The following PRKCE variants were observed in gnomAD, a reference collection of about 807,000 sequenced individuals.
PRKCE encodes the protein protein kinase C epsilon, also known as protein kinase C epsilon type.
PRKCE carries 16 observed loss-of-function variants against 85.4 expected under a neutral mutation model. The observed-to-expected ratio is 0.19, with a 90% CI of 0.13 to 0.28. The LOEUF (loss-of-function observed/expected upper bound fraction) is 0.28, where lower values mean the gene tolerates loss of function less well. Ranked by LOEUF, PRKCE falls within the 10% of genes least tolerant of loss-of-function variation. The pLI is 1.00. For synonymous variants in PRKCE, 388 were observed against 371.5 expected (o/e 1.04, Z -0.51); for missense variants, 573 against 975.2 (o/e 0.59, Z 5.49).
rs1200756984 is a variant in PRKCE at position 45,759,477 on chromosome 2, C to T, written c.349-83523C>T. 1.3e-5 allele frequency among the ~76,000 whole-genome samples: 2 copies of T among 152,226 alleles called. 1 individual carries two copies. The highest frequency in any genetic ancestry group is 4.8e-5 in the African/African-American group (2 of 41,448). ...CTGCTGTGAGGCTTCCCGTGCATCT[C>T]AGACCTTGAGAGACCAAGCCTCTCT... On this transcript the variant is annotated intron_variant, in intron 1 of 14. Coordinates refer to ENST00000306156, the MANE Select transcript of PRKCE (RefSeq NM_005400.3).
At chr2:45,871,527 T>C (rs1019220773) in intron 2 of PRKCE, among the ~76,000 whole-genome samples, 1 of 152,250 alleles carries the variant, frequency 6.6e-6, no homozygotes, top group Non-Finnish European at 1.5e-5. Flanking sequence ...AATAAAAATA[T>C]CTTCAGAAGA....
At chr2:46,003,320 A>C (rs543948571) in intron 7 of PRKCE, among the ~76,000 whole-genome samples, 18 of 152,348 alleles carry the variant, frequency 1.2e-4, no homozygotes, top group African/African-American at 4.3e-4. Context: ...GTTAGTACTA[A>C]AAGGGAGCAG....
intron 10 of PRKCE, among the ~76,000 whole-genome samples, chr2:46,043,012 G>A (rs1290982485): frequency 6.6e-6 from 1 of 151,898 alleles, no homozygotes; most frequent in Non-Finnish European, 1.5e-5. Context: ...TCTTTGTTTT[G>A]TTTTGTAACT....
At chr2:45,961,536 C>G (rs2104423820) in intron 2 of PRKCE, among the ~76,000 whole-genome samples, 1 of 152,308 alleles carries the variant, frequency 6.6e-6, no homozygotes, top group East Asian at 1.9e-4. Flanking sequence ...GCACATTTCA[C>G]ACCCTTTCCA....
chr2:45,651,334 G>A (rs1462908578), upstream of PRKCE: 1 of 150,788 alleles, frequency 6.6e-6, no homozygotes, highest in South Asian at 2.1e-4. Flanking sequence ...CTGCGCCCCC[G>A]AGCCGGATCG....
At chr2:45,943,551 G>A (rs1304846513) in intron 2 of PRKCE, among the ~76,000 whole-genome samples, 1 of 152,200 alleles carries the variant, frequency 6.6e-6, no homozygotes, top group Non-Finnish European at 1.5e-5. Context: ...ACTCAAAATG[G>A]TTGAGGTTAC....
chr2:45,930,028 G>T (rs529070994), intron 2 of PRKCE, among the ~76,000 whole-genome samples: 1 of 152,176 alleles, frequency 6.6e-6, no homozygotes, highest in African/African-American at 2.4e-5. Context: ...ACCAAAGGTC[G>T]TATATCATGG....
chr2:45,992,939 GGTA>G (rs1703926879), intron 6 of PRKCE, among the ~76,000 whole-genome samples: 1 of 152,196 alleles, frequency 6.6e-6, no homozygotes, highest in Non-Finnish European at 1.5e-5. Context: ...TGAATAGCTG[GGTA>G]GTAGTAGAAG....
chr2:45,976,686 G>C, intron 3 of PRKCE, 98 bp downstream of exon 3: 1 of 1,385,678 alleles, frequency 7.2e-7, no homozygotes, highest in South Asian at 1.3e-5. Context: ...AAAGAATGCT[G>C]GTGTGCCTCG....
intron 10 of PRKCE, among the ~76,000 whole-genome samples, chr2:46,037,758 G>C (rs1377366494): frequency 2.6e-5 from 4 of 152,100 alleles, no homozygotes; most frequent in African/African-American, 7.2e-5. Flanking sequence ...CAGATTACAG[G>C]GGGTATCAGG....
chr2:45,714,530 C>T lies in PRKCE; in HGVS notation c.348+62082C>T, dbSNP rs142908596. On this transcript the variant is annotated intron_variant, in intron 1 of 14. Coordinates refer to ENST00000306156, the MANE Select transcript of PRKCE (RefSeq NM_005400.3). Reference sequence around the variant, plus strand: ...ACAGAATGGCTCTTTAAATGAAACACATTCAGCTTTATGAAAACTTATGAC... The same window carrying T: ...ACAGAATGGCTCTTTAAATGAAACATATTCAGCTTTATGAAAACTTATGAC... Among the ~76,000 whole-genome samples, 350 of 152,372 alleles carry T rather than the reference C, an allele frequency of 2.3e-3. 2 individuals carry two copies. The highest frequency in any genetic ancestry group is 3.4e-3 in the Admixed American group (52 of 15,306).
At chr2:45,983,979 C>A (rs1422304488) in intron 5 of PRKCE, among the ~76,000 whole-genome samples, 12 of 149,916 alleles carry the variant, frequency 8.0e-5, no homozygotes, top group Non-Finnish European at 1.5e-5. Context: ...GCTCTGTCAC[C>A]CAGGCTAGGG....
At chr2:45,891,026 G>A (rs541734190) in intron 2 of PRKCE, among the ~76,000 whole-genome samples, 2 of 152,332 alleles carry the variant, frequency 1.3e-5, no homozygotes, top group South Asian at 2.1e-4. Context: ...TGTCGTCTGA[G>A]TATTTGAAGA....
intron 1 of PRKCE, among the ~76,000 whole-genome samples, chr2:45,657,198 C>T (rs930314006): frequency 4.6e-5 from 7 of 152,214 alleles, no homozygotes; most frequent in Admixed American, 3.3e-4. Flanking sequence ...TTGCTGTATT[C>T]TGTAGAAGAG....
intron 2 of PRKCE, among the ~76,000 whole-genome samples, chr2:45,923,924 C>T (rs951455562): frequency 6.6e-6 from 1 of 152,154 alleles, no homozygotes; most frequent in Non-Finnish European, 1.5e-5. Flanking sequence ...GTGGAATGTT[C>T]TTGGGCGCAG....
chr2:45,854,612 T>C lies in PRKCE; in HGVS notation c.412+11549T>C, dbSNP rs563695684. ...TTCAACAGGATTGCAAGGAAAGCATTAAGAGGCGATGGTTAAGCCAATGCT... is the reference window on the plus strand; with the variant it reads ...TTCAACAGGATTGCAAGGAAAGCATCAAGAGGCGATGGTTAAGCCAATGCT... On this transcript the variant is annotated intron_variant, in intron 2 of 14. Transcript: ENST00000306156. 2.6e-5 allele frequency among the ~76,000 whole-genome samples: 4 copies of C among 152,274 alleles called. No individual in the cohort carries two copies. The South Asian group carries it at 6.2e-4, about 24-fold the overall frequency.
intron 1 of PRKCE, among the ~76,000 whole-genome samples, chr2:45,736,704 G>A (rs1682093067): frequency 6.6e-6 from 1 of 152,204 alleles, no homozygotes; most frequent in Admixed American, 6.5e-5. Context: ...AGGAAGGGCT[G>A]AACCTCTTTC....
chr2:46,184,843 A>G lies in PRKCE; in HGVS notation c.2176A>G (p.Lys726Glu). 1 of 1,599,794 alleles carries G rather than the reference A, an allele frequency of 6.3e-7. No individual in the cohort carries two copies. Among genetic ancestry groups the G allele is most frequent in the South Asian group, 1.1e-5 (1 of 91,090 alleles). ...AAAGCAGATCAACCAGGAGGAATTC[A>G]AAGGTTTCTCCTACTTTGGTGAAGA... is the stretch of plus-strand genomic sequence containing the variant. Reference protein sequence around the residue: ...IVKQINQEEFKGFSYFGEDLM... With the variant: ...IVKQINQEEFEGFSYFGEDLM... The change falls in exon 15 of 15, where the codon AAA becomes GAA. Residue 726 changes from lysine (K) to glutamate (E), a missense_variant. By Grantham distance (56) the Lys-to-Glu change is moderately conservative. Coordinates refer to ENST00000306156, the MANE Select transcript of PRKCE (RefSeq NM_005400.3). The surrounding 1 kb of genome is among the most constrained non-coding windows in gnomAD (Gnocchi z 5.0).
intron 2 of PRKCE, among the ~76,000 whole-genome samples, chr2:45,898,926 G>C (rs1443372367): frequency 6.6e-6 from 1 of 152,210 alleles, no homozygotes; most frequent in Non-Finnish European, 1.5e-5. Context: ...AGTCAGGGTG[G>C]AATGTCCCAA....
Sources: allele counts gnomAD v4.1 joint callset (sites outside exome capture counted in the v4.1 genomes callset), GRCh38; gene constraint gnomAD v4.1.1; non-coding constraint Gnocchi (gnomAD v3.1); transcripts MANE v1.5; gene names NCBI Gene and HGNC (gene_info 2026-07-23, HGNC 2026-07-21).